The following CNTNAP4 variants were observed in gnomAD, a reference collection of about 807,000 sequenced individuals.
CNTNAP4 encodes contactin associated protein family member 4.
In CNTNAP4, 98 loss-of-function variants were observed where a neutral mutation model predicts 148.4. The ratio of observed to expected loss-of-function variants is 0.66; its 90% confidence interval spans 0.56 to 0.78. The LOEUF is 0.78. Ranked by LOEUF, CNTNAP4 falls within the 30% of genes least tolerant of loss-of-function variation. CNTNAP4 has a pLI of 0.00. For synonymous variants in CNTNAP4, 730 were observed against 565.1 expected, an observed-to-expected ratio of 1.29 and a Z score of -4.14; for missense variants, 1,935 against 1,565.6, an observed-to-expected ratio of 1.24 and a Z score of -3.98.
chr16:76,472,602 C>A (rs574220601), intron 10 of CNTNAP4, among the ~76,000 whole-genome samples: 1 of 152,318 alleles, frequency 6.6e-6, no homozygotes, highest in East Asian at 1.9e-4. Flanking sequence ...TTTTTTATGG[C>A]TGCATAGTAT....
At chr16:76,322,672 G>A (rs942367246) in intron 2 of CNTNAP4, among the ~76,000 whole-genome samples, 1 of 152,064 alleles carries the variant, frequency 6.6e-6, no homozygotes, top group Admixed American at 6.6e-5. Flanking sequence ...CAAAAACACA[G>A]TGCTGTACAC....
At chr16:76,426,363 G>A (rs1210971668) in intron 3 of CNTNAP4, among the ~76,000 whole-genome samples, 2 of 152,144 alleles carry the variant, frequency 1.3e-5, no homozygotes, top group East Asian at 3.9e-4. Flanking sequence ...GATCTTATTT[G>A]TTGACCCAGT....
intron 13 of CNTNAP4, among the ~76,000 whole-genome samples, chr16:76,494,009 G>C (rs986929989): frequency 6.6e-6 from 1 of 152,144 alleles, no homozygotes; most frequent in Non-Finnish European, 1.5e-5. Flanking sequence ...GCACCTTTGA[G>C]AAACTGACTG....
At chr16:76,409,847 ACTGT>A (rs1272543392) in intron 3 of CNTNAP4, among the ~76,000 whole-genome samples, 10 of 151,902 alleles carry the variant, frequency 6.6e-5, no homozygotes, top group Admixed American at 3.3e-4. Context: ...AGATTAATAA[ACTGT>A]CTGTAACACT....
At chr16:76,385,605 C>T (rs567780164) in intron 3 of CNTNAP4, among the ~76,000 whole-genome samples, 13 of 150,110 alleles carry the variant, frequency 8.7e-5, no homozygotes, top group East Asian at 2.0e-4. Flanking sequence ...TCTCATTATG[C>T]GTGGAAATTA....
intron 3 of CNTNAP4, among the ~76,000 whole-genome samples, chr16:76,406,291 G>A (rs1297788224): frequency 6.6e-6 from 1 of 152,036 alleles, no homozygotes; most frequent in East Asian, 1.9e-4. Flanking sequence ...ATATTCAGCA[G>A]CAAACTTAAT....
chr16:76,558,778 G>T lies in CNTNAP4; in HGVS notation c.*95G>T. 3 of 939,978 alleles carry T rather than the reference G, an allele frequency of 3.2e-6. No homozygotes were observed. Among genetic ancestry groups the T allele is most frequent in the Non-Finnish European group, 4.7e-6 (3 of 641,146 alleles). The allele number at this position is 939,978 out of a possible 1,614,324, so 58.2% of individuals were successfully genotyped here. A position where few individuals can be genotyped will look rare whatever the true frequency, so the allele number is the denominator to read the frequency against. ...CGAATGCTCTTACACTGAATGTACA[G>T]GCAGTGGGCTTGCAGCACTGCCATC... is the stretch of plus-strand genomic sequence containing the variant. On this transcript the variant is annotated 3_prime_UTR_variant, in exon 24 of 24. Coordinates refer to ENST00000611870, the MANE Select transcript of CNTNAP4 (RefSeq NM_033401.5).
At chr16:76,334,426 A>G (rs1963842186) in intron 2 of CNTNAP4, among the ~76,000 whole-genome samples, 1 of 152,086 alleles carries the variant, frequency 6.6e-6, no homozygotes, top group South Asian at 2.1e-4. Context: ...CACAGACATA[A>G]TCCTGTAAGT....
At chr16:76,465,871 T>A (rs933026785) in intron 9 of CNTNAP4, among the ~76,000 whole-genome samples, 2 of 152,202 alleles carry the variant, frequency 1.3e-5, no homozygotes, top group Admixed American at 1.3e-4. Context: ...GATAATAGTT[T>A]TAAATTTGAA....
At chr16:76,512,953 G>T (rs112780044) in intron 15 of CNTNAP4, among the ~76,000 whole-genome samples, 1,527 of 152,312 alleles carry the variant, frequency 0.01, 11 homozygotes, top group Non-Finnish European at 0.017. Context: ...CGACCTTGGT[G>T]ATGGTTTGTT....
intron 1 of CNTNAP4, chr16:76,309,994 C>CT (rs1482755318): frequency 1.5e-6 from 1 of 651,268 alleles, no homozygotes; most frequent in Non-Finnish European, 2.8e-6. Context: ...GGGCCAGTTG[C>CT]TACAGGAGTT....
At chr16:76,532,125 G>A (rs2084009492) in intron 17 of CNTNAP4, among the ~76,000 whole-genome samples, 1 of 152,088 alleles carries the variant, frequency 6.6e-6, no homozygotes, top group African/African-American at 2.4e-5. Context: ...ATTTCATATA[G>A]TTTCATACCT....
intron 12 of CNTNAP4, among the ~76,000 whole-genome samples, chr16:76,482,495 C>G (rs937669720): frequency 2.0e-5 from 3 of 149,248 alleles, no homozygotes; most frequent in African/African-American, 7.4e-5. Flanking sequence ...TCTGAGGAGG[C>G]ATTTGAATAT....
intron 17 of CNTNAP4, among the ~76,000 whole-genome samples, chr16:76,526,758 T>C (rs2083751025): frequency 6.6e-6 from 1 of 152,112 alleles, no homozygotes; most frequent in South Asian, 2.1e-4. Context: ...ACTGCATCCT[T>C]GATCTCCTGG....
rs1225588276 is a variant in CNTNAP4, at chr16:76,448,009, T to C, written c.539-3T>C. 3 of 1,605,852 alleles carry C rather than the reference T, an allele frequency of 1.9e-6. No homozygotes were observed. The Admixed American group carries it at 5.1e-5, about 27-fold the overall frequency. On this transcript the variant is annotated splice_polypyrimidine_tract_variant and splice_region_variant and intron_variant, in intron 4 of 23. Coordinates refer to ENST00000611870, the MANE Select transcript of CNTNAP4 (RefSeq NM_033401.5). The stretch of plus-strand genomic sequence containing the variant: ...GAATGCCTTCTACTATCTTTGTTTC[T>C]AGGATCAGAAGTGGTTGATCTTGAT...
Position 76,555,228 on chromosome 16 carries a change from A to T in CNTNAP4, c.3733+1321A>T, listed in dbSNP as rs543492768. On this transcript the variant is annotated intron_variant, in intron 23 of 23. Transcript: ENST00000611870. ...ATTTGGACAGCAAATAATACCAGTC[A>T]AATCTTTGTGTGGATATTAACTCCC... Among the ~76,000 whole-genome samples, 3 of 152,258 alleles carry T rather than the reference A, an allele frequency of 2.0e-5. No individual in the cohort carries two copies. The East Asian group carries it at 5.8e-4, about 29-fold the overall frequency.
At chr16:76,483,247 C>G (rs1285125970) in intron 12 of CNTNAP4, among the ~76,000 whole-genome samples, 1 of 148,660 alleles carries the variant, frequency 6.7e-6, no homozygotes, top group African/African-American at 2.6e-5. Context: ...CACACACACA[C>G]ACACACACAC....
chr16:76,491,062 C>G (rs889263314), intron 13 of CNTNAP4, among the ~76,000 whole-genome samples: 2 of 152,138 alleles, frequency 1.3e-5, no homozygotes, highest in African/African-American at 2.4e-5. Context: ...GATTAAGTCT[C>G]TCTCTATTTA....
intron 3 of CNTNAP4, among the ~76,000 whole-genome samples, chr16:76,416,958 G>T (rs2079008920): frequency 6.6e-6 from 1 of 151,370 alleles, no homozygotes; most frequent in Non-Finnish European, 1.5e-5. Flanking sequence ...TTTAGGAAAT[G>T]TTTCTTGCTA....
Sources: allele counts gnomAD v4.1 joint callset (sites outside exome capture counted in the v4.1 genomes callset), GRCh38; gene constraint gnomAD v4.1.1; transcripts MANE v1.5; gene names NCBI Gene and HGNC (gene_info 2026-07-23, HGNC 2026-07-21).